The following SUMF1 variants were observed in gnomAD, a reference collection of about 807,000 sequenced individuals.
The protein encoded by SUMF1 is sulfatase modifying factor 1.
Under a neutral mutation model 47.6 loss-of-function variants are expected in SUMF1, and 48 were observed. That is an observed-to-expected ratio of 1.01 (90% confidence interval 0.80 to 1.28). The LOEUF is 1.28. SUMF1 is among the 50% of genes most tolerant of loss of function. The pLI, the probability that SUMF1 is intolerant of heterozygous loss-of-function variation, is 0.00. For missense variants in SUMF1, 571 were observed against 485.4 expected (o/e 1.18, Z -1.66); for synonymous variants, 230 against 192.1 (o/e 1.20, Z -1.63).
chr3:4,151,464 T>C (rs1448234410), intron 8 of SUMF1, among the ~76,000 whole-genome samples: 1 of 142,522 alleles, frequency 7.0e-6, no homozygotes, highest in African/African-American at 2.7e-5. Context: ...CATGTGTATA[T>C]ATGTATATAT....
rs546785378 is a variant in SUMF1, at chr3:4,434,011, C to T, written c.520-13865G>A. 3.3e-5 allele frequency among the ~76,000 whole-genome samples: 5 copies of T among 152,262 alleles called. No individual in the cohort carries two copies. The South Asian group carries it at 8.3e-4, about 25-fold the overall frequency. ...CTACAACATGGATGAACCTTGAGGACGTGATGCTGAGTGAAGTAAGTCAGG... is the reference window on the plus strand; with the variant it reads ...CTACAACATGGATGAACCTTGAGGATGTGATGCTGAGTGAAGTAAGTCAGG... On this transcript the variant is annotated intron_variant, in intron 3 of 8. Transcript: ENST00000272902.
At chr3:4,260,729 T>C (rs769746767) in intron 8 of SUMF1, among the ~76,000 whole-genome samples, 1 of 151,738 alleles carries the variant, frequency 6.6e-6, no homozygotes, top group African/African-American at 2.4e-5. Flanking sequence ...AGCGAGAATA[T>C]GTCTAAGAAA....
At chr3:4,036,744 A>G (rs971695827) in intron 9 of SUMF1, among the ~76,000 whole-genome samples, 2 of 151,956 alleles carry the variant, frequency 1.3e-5, no homozygotes, top group African/African-American at 2.4e-5. Context: ...CTCTACCTCA[A>G]CAAAGCAGAG....
intron 8 of SUMF1, among the ~76,000 whole-genome samples, chr3:4,121,408 A>G (rs754476153): frequency 1.1e-4 from 17 of 152,228 alleles, no homozygotes; most frequent in Non-Finnish European, 1.6e-4. Flanking sequence ...TGTAATGGGT[A>G]TTATAGTCTC....
chr3:4,340,416 G>T (rs1699247594), intron 8 of SUMF1, among the ~76,000 whole-genome samples: 1 of 152,170 alleles, frequency 6.6e-6, no homozygotes, highest in South Asian at 2.1e-4. Flanking sequence ...TACAGACTGT[G>T]TAATAGTTTA....
intron 8 of SUMF1, among the ~76,000 whole-genome samples, chr3:4,211,168 A>G (rs1695778649): frequency 7.8e-6 from 1 of 127,466 alleles, no homozygotes; most frequent in Admixed American, 8.7e-5. Flanking sequence ...ACATATATAT[A>G]CACACATATA....
chr3:4,037,939 G>A (rs1241091801), intron 9 of SUMF1, among the ~76,000 whole-genome samples: 4 of 152,074 alleles, frequency 2.6e-5, no homozygotes, highest in Non-Finnish European at 5.9e-5. Flanking sequence ...AGGTATTTTG[G>A]TATTGAAGCT....
At chr3:4,049,053 G>A (rs1272788882) in intron 9 of SUMF1, among the ~76,000 whole-genome samples, 2 of 152,148 alleles carry the variant, frequency 1.3e-5, no homozygotes, top group Non-Finnish European at 1.5e-5. Flanking sequence ...GCCATGGGGA[G>A]CATGAAACCC....
chr3:4,157,242 T>C (rs539110267), intron 8 of SUMF1, among the ~76,000 whole-genome samples: 1 of 151,554 alleles, frequency 6.6e-6, no homozygotes, highest in Non-Finnish European at 1.5e-5. Flanking sequence ...CACTCACTGC[T>C]GGGCCAGTTT....
Position 4,105,956 on chromosome 3 carries a change from A to G in SUMF1, c.1015-37211T>C, listed in dbSNP as rs75041670. Among the ~76,000 whole-genome samples, 406 of 152,198 alleles carry G rather than the reference A, an allele frequency of 2.7e-3. 7 individuals are homozygous for G. The highest frequency in any genetic ancestry group is 9.3e-3 in the African/African-American group (384 of 41,504). On this transcript the variant is annotated intron_variant and NMD_transcript_variant, in intron 8 of 12. Transcript: ENST00000448413. ...TGGCAACTTAAAATTTTTACTCAAAATTATGTTTTGAAGATCTATCCATGT... is the reference window on the plus strand; with the variant it reads ...TGGCAACTTAAAATTTTTACTCAAAGTTATGTTTTGAAGATCTATCCATGT...
At chr3:4,123,282 C>G (rs919683419) in intron 8 of SUMF1, among the ~76,000 whole-genome samples, 6 of 152,198 alleles carry the variant, frequency 3.9e-5, no homozygotes, top group Non-Finnish European at 8.8e-5. Flanking sequence ...TACCACAGCA[C>G]AGCAGAAGCT....
chr3:4,282,419 T>C (rs1697547213), intron 8 of SUMF1, among the ~76,000 whole-genome samples: 2 of 152,170 alleles, frequency 1.3e-5, no homozygotes, highest in Non-Finnish European at 2.9e-5. Flanking sequence ...CTTCTTAATT[T>C]CTACAATAAT....
chr3:4,189,204 A>G (rs1381663312), intron 8 of SUMF1, among the ~76,000 whole-genome samples: 1 of 152,160 alleles, frequency 6.6e-6, no homozygotes, highest in Non-Finnish European at 1.5e-5. Flanking sequence ...GGCTCAGGAC[A>G]GAACAGGAAA....
At chr3:4,251,793 T>C (rs1294463611) in intron 8 of SUMF1, among the ~76,000 whole-genome samples, 1 of 152,208 alleles carries the variant, frequency 6.6e-6, no homozygotes, top group Non-Finnish European at 1.5e-5. Context: ...GGACCATCAA[T>C]ATCAAGGCAA....
chr3:4,260,977 G>C (rs968097274), intron 8 of SUMF1, among the ~76,000 whole-genome samples: 2 of 152,094 alleles, frequency 1.3e-5, no homozygotes, highest in Non-Finnish European at 2.9e-5. Flanking sequence ...GAACTGTGTT[G>C]GTCTTCTGAT....
intron 8 of SUMF1, chr3:4,316,162 TTA>T: frequency 1.6e-6 from 1 of 632,946 alleles, no homozygotes; most frequent in Non-Finnish European, 2.9e-6. Context: ...GAGCATTTCT[TTA>T]TGTTTTTTTG....
intron 8 of SUMF1, among the ~76,000 whole-genome samples, chr3:4,245,562 G>C (rs566255675): frequency 7.2e-5 from 11 of 152,244 alleles, no homozygotes; most frequent in Admixed American, 2.6e-4. Context: ...ACTATCACCA[G>C]CAGAGGCTGC....
rs548555997 is a variant in SUMF1 at position 4,249,535 on chromosome 3, T to C, written c.1014+126795A>G. 7.2e-5 allele frequency among the ~76,000 whole-genome samples: 11 copies of C among 152,332 alleles called. 1 individual carries two copies. The South Asian group carries it at 1.9e-3, about 26-fold the overall frequency. On this transcript the variant is annotated intron_variant and NMD_transcript_variant, in intron 8 of 12. Coordinates refer to the SUMF1 transcript ENST00000448413. ...TTGGGGGCACCACAAATCACGTCCA[T>C]ATAAGATGGCAAACTTAATAAATGT...
intron 1 of SUMF1, among the ~76,000 whole-genome samples, chr3:4,461,812 C>T (rs987240337): frequency 1.2e-4 from 18 of 152,080 alleles, no homozygotes; most frequent in African/African-American, 4.1e-4. Context: ...AAGTGAAAAC[C>T]AGAGAACCAA....
Sources: gnomAD v4.1 joint callset for allele counts (sites outside exome capture counted in the v4.1 genomes callset) on GRCh38, gnomAD v4.1.1 for gene constraint, MANE v1.5 for transcripts, NCBI Gene and HGNC (gene_info 2026-07-23, HGNC 2026-07-21) for gene names.